NOM1: variants seen among roughly 807,000 people sequenced by gnomAD.
NOM1 encodes nucleolar MIF4G domain-containing protein 1.
In NOM1, 58 loss-of-function variants were observed where a neutral mutation model predicts 73.3. The ratio of observed to expected loss-of-function variants is 0.79; its 90% CI spans 0.64 to 0.99. The LOEUF (loss-of-function observed/expected upper bound fraction) is 0.99, where lower values mean the gene tolerates loss of function less well. Among genes scored for constraint, NOM1 ranks in the 50% least tolerant of loss-of-function variants. NOM1 has a pLI of 0.00. For missense variants in NOM1, 1,226 were observed against 1,131.9 expected, an observed-to-expected ratio of 1.08 and a Z score of -1.19; for synonymous variants, 487 against 446.8, an observed-to-expected ratio of 1.09 and a Z score of -1.14.
At chr7:156,967,176 C>A in intron 9 of NOM1, 84 bp downstream of exon 9, 2 of 1,481,262 alleles carry the variant, frequency 1.4e-6, no homozygotes, top group Non-Finnish European at 1.8e-6. Context: ...TCCTGTTTTA[C>A]CAGCGTATTT....
Position 156,964,446 on chromosome 7 carries a change from A to G in NOM1, c.2033+420A>G, listed in dbSNP as rs551253492. On this transcript the variant is annotated intron_variant, in intron 7 of 10. Transcript: ENST00000275820. Reference sequence around the variant, plus strand: ...TTCTTCATTTAAAACATCCTGGTATAGTTTGTATAATTAGTTGTAATAAGA... The same window carrying G: ...TTCTTCATTTAAAACATCCTGGTATGGTTTGTATAATTAGTTGTAATAAGA... Among the ~76,000 whole-genome samples, 7 of 152,200 alleles carry G rather than the reference A, an allele frequency of 4.6e-5. No individual in the cohort carries two copies. In the East Asian group the frequency reaches 1.3e-3, roughly 29 times the overall value.
intron 3 of NOM1, chr7:156,958,998 G>A (rs1044780702): frequency 5.3e-5 from 8 of 152,110 alleles, no homozygotes; most frequent in Admixed American, 2.6e-4. Flanking sequence ...AATGTGTTGC[G>A]TTTATCTGTT....
rs181811327 is a variant in NOM1, at chr7:156,966,244, C to G, written c.2034-26C>G. Reference sequence around the variant, plus strand: ...TAAACTTTGGAAGTCGAGTGATGTTCCAGTCATTGCTGTTCTGTTTTCTAG... The same window carrying G: ...TAAACTTTGGAAGTCGAGTGATGTTGCAGTCATTGCTGTTCTGTTTTCTAG... On this transcript the variant is annotated intron_variant, in intron 7 of 10. Transcript: ENST00000275820. 3,026 of 1,611,634 alleles carry G rather than the reference C, an allele frequency of 1.9e-3. 8 individuals carry two copies. The highest frequency in any genetic ancestry group is 2.4e-3 in the Non-Finnish European group (2,804 of 1,179,728).
intron 3 of NOM1, 132 bp downstream of exon 3, chr7:156,954,430 C>T (rs1224018748): frequency 6.1e-6 from 4 of 660,254 alleles, no homozygotes; most frequent in African/African-American, 1.9e-5. Flanking sequence ...TGAATAAATA[C>T]TCTATTGTCT....
chr7:156,967,460 G>A (rs1418869623), intron 9 of NOM1, among the ~76,000 whole-genome samples: 1 of 152,210 alleles, frequency 6.6e-6, no homozygotes, highest in Non-Finnish European at 1.5e-5. Context: ...GATGTAAGGT[G>A]TTTTAAAACT....
At chr7:156,952,111 C>G (rs914525069) in intron 1 of NOM1, among the ~76,000 whole-genome samples, 1 of 152,178 alleles carries the variant, frequency 6.6e-6, no homozygotes, top group African/African-American at 2.4e-5. Context: ...AATTTAGGTT[C>G]TTGTATGCTA....
At position 156,950,031 on chromosome 7, in the gene NOM1, G is replaced by A. The variant is rs180970340; in HGVS notation, c.294G>A (p.Leu98=). 772 of 1,542,240 alleles carry A rather than the reference G, an allele frequency of 5.0e-4. 2 individuals carry two copies. The African/African-American group carries it at 8.6e-3, about 17-fold the overall frequency. The change falls in exon 1 of 11, where the codon CTG becomes CTA. Residue 98 remains leucine, a synonymous_variant. Transcript: ENST00000275820. The part of the protein sequence containing the change: ...EKRHLRKARR[L]QRTAGPEQGP... ...GGCACCTGCGGAAAGCACGCCGGCT[G>A]CAGAGGACGGCGGGCCCCGAACAGG...
intron 1 of NOM1, among the ~76,000 whole-genome samples, chr7:156,951,132 A>G (rs1252428699): frequency 1.3e-5 from 2 of 152,204 alleles, no homozygotes; most frequent in Non-Finnish European, 2.9e-5. Context: ...TCCCTTAGAT[A>G]AAGTCCAACA....
At chr7:156,956,198 A>AG (rs1299684702) in intron 3 of NOM1, among the ~76,000 whole-genome samples, 1 of 151,638 alleles carries the variant, frequency 6.6e-6, no homozygotes. Context: ...GTCTCAAAAA[A>AG]AAAAAAAAGA....
At chr7:156,961,457 C>T (rs1487103311) in intron 4 of NOM1, among the ~76,000 whole-genome samples, 1 of 151,944 alleles carries the variant, frequency 6.6e-6, no homozygotes, top group Non-Finnish European at 1.5e-5. Flanking sequence ...ACAGAAAGTA[C>T]ATTAGTGGGC....
intron 9 of NOM1, among the ~76,000 whole-genome samples, chr7:156,967,932 G>A (rs1039079404): frequency 6.6e-6 from 1 of 152,086 alleles, no homozygotes; most frequent in Non-Finnish European, 1.5e-5. Flanking sequence ...TGGAGCGCCT[G>A]GGGGGCAAAG....
chr7:156,964,916 A>G (rs556092005), intron 7 of NOM1, among the ~76,000 whole-genome samples: 14 of 152,270 alleles, frequency 9.2e-5, no homozygotes, highest in South Asian at 6.2e-4. Context: ...TTGTACTCGA[A>G]GGACTTCGTT....
chr7:156,954,333 T>C (rs1404754421), intron 3 of NOM1, 35 bp downstream of exon 3: 2 of 1,514,516 alleles, frequency 1.3e-6, no homozygotes, highest in Admixed American at 2.3e-5. Context: ...CTGTCACTAG[T>C]GTCTCATGGT....
In NOM1 at chr7:156,963,980, A is replaced by G. The variant is rs1203099601; in HGVS notation, c.1987A>G (p.Ile663Val). ...TDIRRNIFCT[I>V]MTSEDFLDAF... is the part of the protein sequence containing the mutation. ...CATCCGGAGAAACATATTCTGCACA[A>G]TAATGACAAGTGAAGATTTTTTGGA... The change falls in exon 7 of 11, where the codon ATA becomes GTA. Residue 663 changes from isoleucine (I) to valine (V), a missense_variant. Ile to Val is a conservative substitution (Grantham distance 29). Transcript: ENST00000275820. The G allele has an allele frequency of 3.7e-6, 6 of 1,614,058 alleles. No homozygotes were observed. Among genetic ancestry groups the G allele is most frequent in the East Asian group, 2.2e-5 (1 of 44,894 alleles).
chr7:156,963,011 C>A lies in NOM1; in HGVS notation c.1747C>A (p.Arg583Ser), dbSNP rs1481767968. The A allele has an allele frequency of 6.2e-7, 1 of 1,611,474 alleles. No homozygotes were observed. Among genetic ancestry groups the A allele is most frequent in the South Asian group, 1.1e-5 (1 of 91,040 alleles). The part of the protein sequence containing the change: ...KLRKLQRALV[R>S]NAGSGSETQL... ...TTAGCTCTTCTCTCTTCATCAGGTC[C>A]GCAACGCCGGCTCAGGTTCTGAGAC... Residue 583 changes from arginine (R) to serine (S), a missense_variant, in exon 6 of 11, where the codon CGC becomes AGC. Coordinates refer to ENST00000275820, the MANE Select transcript of NOM1 (RefSeq NM_138400.2).
Position 156,971,045 on chromosome 7 carries a change from C to A in NOM1, c.*1342C>A, listed in dbSNP as rs1206272151. On this transcript the variant is annotated 3_prime_UTR_variant, in exon 11 of 11. Coordinates refer to ENST00000275820, the MANE Select transcript of NOM1 (RefSeq NM_138400.2). ...CCGTCTAGTGGGAGAAACAAACACA[C>A]CCCACTCACTAAGTATGGAAAACTG... 1 of 152,208 alleles carries A rather than the reference C, an allele frequency of 6.6e-6. No homozygotes were observed. The highest frequency in any genetic ancestry group is 1.5e-5 in the Non-Finnish European group (1 of 68,036). The allele number at this position is 152,208 out of a possible 1,614,324, so 9.4% of individuals were successfully genotyped here.
At chr7:156,957,378 T>G (rs1376161649) in intron 3 of NOM1, among the ~76,000 whole-genome samples, 1 of 152,244 alleles carries the variant, frequency 6.6e-6, no homozygotes, top group East Asian at 1.9e-4. Flanking sequence ...CCAACGTGAA[T>G]TTTACTTATA....
At chr7:156,954,768 A>G (rs1014312038) in intron 3 of NOM1, among the ~76,000 whole-genome samples, 5 of 151,796 alleles carry the variant, frequency 3.3e-5, no homozygotes, top group Non-Finnish European at 5.9e-5. Flanking sequence ...TGGCGTCCCA[A>G]TGTGTTGGGA....
At chr7:156,965,003 C>A (rs1378331116) in intron 7 of NOM1, among the ~76,000 whole-genome samples, 4 of 152,228 alleles carry the variant, frequency 2.6e-5, no homozygotes, top group African/African-American at 9.7e-5. Context: ...TAGTTTTTCC[C>A]ATTCTTATTC....
Sources: gnomAD v4.1 joint callset for allele counts (sites outside exome capture counted in the v4.1 genomes callset) on GRCh38, gnomAD v4.1.1 for gene constraint, MANE v1.5 for transcripts, NCBI Gene and HGNC (gene_info 2026-07-23, HGNC 2026-07-21) for gene names.